The following HSF5 variants were observed in gnomAD, a reference collection of about 807,000 sequenced individuals.
HSF5 encodes heat shock factor protein 5.
A neutral mutation model predicts 50.8 loss-of-function variants in HSF5; 5 were observed. The ratio of observed to expected loss-of-function variants is 0.10; its 90% confidence interval spans 0.05 to 0.21. HSF5 has a LOEUF of 0.21. Among genes scored for constraint, HSF5 ranks in the 10% least tolerant of loss-of-function variants. The pLI, the probability that HSF5 is intolerant of heterozygous loss-of-function variation, is 1.00. For synonymous variants in HSF5, 307 were observed against 307.4 expected, an observed-to-expected ratio of 1.00 and a Z score of 0.02; for missense variants, 564 against 762.6, an observed-to-expected ratio of 0.74 and a Z score of 3.07.
At chr17:58,436,021 T>C (rs1362443856) in intron 5 of HSF5, among the ~76,000 whole-genome samples, 3 of 152,186 alleles carry the variant, frequency 2.0e-5, no homozygotes, top group Admixed American at 2.0e-4. Flanking sequence ...TTTATATCAT[T>C]ATAATCCATA....
chr17:58,455,644 C>CA (rs1198303958), intron 5 of HSF5, among the ~76,000 whole-genome samples: 2 of 151,634 alleles, frequency 1.3e-5, no homozygotes, highest in African/African-American at 2.4e-5. Context: ...AATAAAAAAA[C>CA]AAAAAACAGT....
intron 4 of HSF5, among the ~76,000 whole-genome samples, chr17:58,460,077 G>A (rs1475030388): frequency 6.6e-6 from 1 of 152,142 alleles, no homozygotes; most frequent in Non-Finnish European, 1.5e-5. Flanking sequence ...GAGTGTAGTG[G>A]TGTGATCACG....
intron 5 of HSF5, among the ~76,000 whole-genome samples, chr17:58,448,190 A>G (rs530296698): frequency 6.6e-6 from 1 of 151,466 alleles, no homozygotes; most frequent in Admixed American, 6.6e-5. Context: ...GGAAATAGTC[A>G]GAGGAGAAAA....
rs183395860 is a variant in HSF5 at position 58,443,164 on chromosome 17, C to A, written c.1720+15604G>T. 7.9e-3 allele frequency among the ~76,000 whole-genome samples: 1,207 copies of A among 152,148 alleles called. 70 individuals are homozygous for A. The highest frequency in any genetic ancestry group is 0.075 in the Admixed American group (1,149 of 15,260). On this transcript the variant is annotated intron_variant, in intron 5 of 5. Transcript: ENST00000323777. ...CCTCGTGATCTGCCTGCCTTGGCCTCCCAAAGTGTAATTTTTGTATTTTTT... is the reference window on the plus strand; with the variant it reads ...CCTCGTGATCTGCCTGCCTTGGCCTACCAAAGTGTAATTTTTGTATTTTTT...
In HSF5 at chr17:58,471,424, A is replaced by G. The variant is rs1974941650; in HGVS notation, c.926-4445T>C. Among the ~76,000 whole-genome samples, 5 of 152,188 alleles carry G rather than the reference A, an allele frequency of 3.3e-5. No homozygotes were observed. The South Asian group carries it at 1.0e-3, about 31-fold the overall frequency. ...TCTTATAATTCTATATTCTATATTT[A>G]TGTACATTGATGTAGGATTAGAAGC... On this transcript the variant is annotated intron_variant, in intron 2 of 5. Transcript: ENST00000323777.
At chr17:58,452,131 C>G (rs1974649974) in intron 5 of HSF5, among the ~76,000 whole-genome samples, 1 of 151,646 alleles carries the variant, frequency 6.6e-6, no homozygotes, top group Non-Finnish European at 1.5e-5. Context: ...CACGAGGAGT[C>G]CTAGCTACTC....
chr17:58,484,380 G>T (rs1975140518), intron 1 of HSF5, among the ~76,000 whole-genome samples: 2 of 152,188 alleles, frequency 1.3e-5, no homozygotes, highest in African/African-American at 4.8e-5. Context: ...AGATGGCCCT[G>T]AATTTCTTCA....
At chr17:58,476,346 A>G in intron 2 of HSF5, 1 of 1,106,184 alleles carries the variant, frequency 9.0e-7, no homozygotes. Context: ...CTAACTCATC[A>G]GTACCTGCAT....
intron 3 of HSF5, among the ~76,000 whole-genome samples, chr17:58,464,421 G>A (rs1375142875): frequency 3.3e-5 from 5 of 152,142 alleles, no homozygotes; most frequent in Admixed American, 2.0e-4. Flanking sequence ...CAGGTTTCAA[G>A]CCTAGGTTTG....
intron 5 of HSF5, among the ~76,000 whole-genome samples, chr17:58,455,956 T>C (rs978037233): frequency 4.6e-5 from 7 of 152,114 alleles, no homozygotes; most frequent in African/African-American, 1.7e-4. Context: ...AGAACCACTA[T>C]ATAATTTAGC....
In HSF5 at chr17:58,465,762, G is replaced by C. The variant is rs759755958; in HGVS notation, c.1020+1123C>G. Among the ~76,000 whole-genome samples the C allele has an allele frequency of 3.3e-5, 5 of 152,226 alleles. No individual in the cohort carries two copies. In the South Asian group the frequency reaches 8.3e-4, roughly 25 times the overall value. Reference sequence around the variant, plus strand: ...AAACACACAATTCCAATCTTTGGCAGTTACAGCATAAAAATACAAAGCATG... The same window carrying C: ...AAACACACAATTCCAATCTTTGGCACTTACAGCATAAAAATACAAAGCATG... On this transcript the variant is annotated intron_variant, in intron 3 of 5. Coordinates refer to ENST00000323777, the MANE Select transcript of HSF5 (RefSeq NM_001080439.3).
At chr17:58,428,511 T>C (rs1013853289) in intron 5 of HSF5, among the ~76,000 whole-genome samples, 1 of 151,928 alleles carries the variant, frequency 6.6e-6, no homozygotes, top group African/African-American at 2.4e-5. Flanking sequence ...TACAAAAAAT[T>C]AGCCAGGTGT....
At chr17:58,450,017 C>T (rs1365083327) in intron 5 of HSF5, among the ~76,000 whole-genome samples, 41 of 89,522 alleles carry the variant, frequency 4.6e-4, no homozygotes, top group Middle Eastern at 0.012. Flanking sequence ...AGCGAGACTC[C>T]GTCTCAAAAA....
At position 58,434,101 on chromosome 17, in the gene HSF5, C is replaced by T. The variant is rs560093811; in HGVS notation, c.1721-11671G>A. Among the ~76,000 whole-genome samples the T allele has an allele frequency of 2.4e-4, 37 of 151,142 alleles. 1 individual carries two copies. The highest frequency in any genetic ancestry group is 2.4e-4 in the Non-Finnish European group (16 of 67,772). ...GTTAATTTTGTATTTTTAGTAGAGA[C>T]GGGGTTTCACCATATTGGCCAGGTT... is the stretch of plus-strand genomic sequence containing the variant. On this transcript the variant is annotated intron_variant, in intron 5 of 5. Transcript: ENST00000323777.
intron 5 of HSF5, among the ~76,000 whole-genome samples, chr17:58,424,295 C>A (rs561519307): frequency 6.6e-6 from 1 of 152,018 alleles, no homozygotes; most frequent in African/African-American, 2.4e-5. Flanking sequence ...ACACATATAA[C>A]GGAATGTTAT....
chr17:58,431,162 T>C (rs1974359897), intron 5 of HSF5, among the ~76,000 whole-genome samples: 1 of 152,218 alleles, frequency 6.6e-6, no homozygotes, highest in Admixed American at 6.5e-5. Context: ...CCTTCCACCA[T>C]GATTGTGAGG....
At chr17:58,468,635 C>T (rs1974904620) in intron 2 of HSF5, among the ~76,000 whole-genome samples, 1 of 151,894 alleles carries the variant, frequency 6.6e-6, no homozygotes, top group South Asian at 2.1e-4. Context: ...AAAAAATAGC[C>T]GAAATGCTTC....
chr17:58,434,499 C>T (rs547420459), intron 5 of HSF5, among the ~76,000 whole-genome samples: 5 of 150,036 alleles, frequency 3.3e-5, no homozygotes, highest in East Asian at 3.9e-4. Context: ...TGCAGTGAGC[C>T]GAGATCTTGC....
intron 2 of HSF5, chr17:58,476,146 ATCCTTCTC>A (rs1371378170): frequency 9.5e-7 from 1 of 1,056,660 alleles, no homozygotes; most frequent in African/African-American, 1.6e-5. Context: ...CTTCTCCTTC[ATCCTTCTC>A]TCCTTCCTCC....
Sources: gnomAD v4.1 joint callset for allele counts (sites outside exome capture counted in the v4.1 genomes callset) on GRCh38, gnomAD v4.1.1 for gene constraint, MANE v1.5 for transcripts, NCBI Gene and HGNC (gene_info 2026-07-23, HGNC 2026-07-21) for gene names.